Variants in STAU1 observed in about 807,000 individuals in gnomAD.
STAU1 encodes staufen double-stranded RNA binding protein 1.
Under a neutral mutation model 62.9 loss-of-function variants are expected in STAU1, and 13 were observed. That is an observed-to-expected ratio of 0.21 (90% confidence interval 0.13 to 0.33). The LOEUF is 0.33. Among genes scored for constraint, STAU1 ranks in the 10% least tolerant of loss-of-function variants. The probability of loss-of-function intolerance (pLI) is 1.00; values close to 1 mark genes in which losing one functional copy is unlikely to be tolerated. For missense variants in STAU1, 571 were observed against 712.1 expected, an observed-to-expected ratio of 0.80 and a Z score of 2.25; for synonymous variants, 269 against 265.1, an observed-to-expected ratio of 1.01 and a Z score of -0.14.
intron 5 of STAU1, among the ~76,000 whole-genome samples, chr20:49,149,352 G>A (rs1301960365): frequency 6.7e-6 from 1 of 149,458 alleles, no homozygotes; most frequent in Non-Finnish European, 1.5e-5. Flanking sequence ...ACACCCCCAA[G>A]CAAGTACAAC....
chr20:49,156,996 T>G (rs377001862), intron 3 of STAU1, among the ~76,000 whole-genome samples: 28 of 151,570 alleles, frequency 1.8e-4, no homozygotes, highest in Admixed American at 4.6e-4. Context: ...CCTGCCTCAG[T>G]CTCCCGAGTA....
the STAU1 span, among the ~76,000 whole-genome samples, chr20:49,208,429 C>T: frequency 2.0e-5 from 3 of 151,812 alleles, no homozygotes; most frequent in Non-Finnish European, 4.4e-5. Context: ...TCTTGAATTC[C>T]TGACCTCAAG....
chr20:49,209,644 G>GA, the STAU1 span, among the ~76,000 whole-genome samples: 1 of 152,114 alleles, frequency 6.6e-6, no homozygotes, highest in Non-Finnish European at 1.5e-5. Context: ...CTTGAAGGCT[G>GA]AGGCAGGAGA....
intron 3 of STAU1, among the ~76,000 whole-genome samples, chr20:49,155,086 T>TA (rs3091715): frequency 7.4e-5 from 11 of 148,564 alleles, no homozygotes; most frequent in East Asian, 2.0e-4. Flanking sequence ...AACTCTGTCT[T>TA]AAAAAAAAAA....
chr20:49,159,211 C>T, intron 3 of STAU1: 1 of 994,090 alleles, frequency 1.0e-6, no homozygotes, highest in Non-Finnish European at 1.2e-6. Context: ...AGGACTTTCC[C>T]CATCCGGTGC....
At position 49,152,340 on chromosome 20, in the gene STAU1, C is replaced by CTTTTTT. The variant is rs3092547; in HGVS notation, c.345-599_345-594dup. 2.3e-4 allele frequency among the ~76,000 whole-genome samples: 24 copies of CTTTTTT among 104,570 alleles called. 1 individual carries two copies. The highest frequency in any genetic ancestry group is 3.3e-4 in the South Asian group (1 of 3,050). The allele number at this position is 104,570 out of a possible 152,430, so 68.6% of individuals were successfully genotyped here. On this transcript the variant is annotated intron_variant, in intron 4 of 13. Coordinates refer to ENST00000371856, the MANE Select transcript of STAU1 (RefSeq NM_017453.4). The stretch of plus-strand genomic sequence containing the variant: ...TTGCTCATCATCTATCCACTAATGT[C>CTTTTTT]TTTTTTTTTTTTTTTTTTTTGTGAG...
chr20:49,200,339 C>T, the STAU1 span, among the ~76,000 whole-genome samples: 1 of 152,268 alleles, frequency 6.6e-6, no homozygotes, highest in Middle Eastern at 3.4e-3. Context: ...TGGCTCACGC[C>T]TGTAATCCCA....
chr20:49,172,824 T>A (rs1399262160), intron 2 of STAU1, among the ~76,000 whole-genome samples: 1 of 151,912 alleles, frequency 6.6e-6, no homozygotes, highest in African/African-American at 2.4e-5. Context: ...TGACAAAGCC[T>A]CACTTGTAGC....
Position 49,179,874 on chromosome 20 carries a change from T to C in STAU1, c.-159-5605A>G, listed in dbSNP as rs576592519. 5.0e-4 allele frequency among the ~76,000 whole-genome samples: 76 copies of C among 152,344 alleles called. 2 individuals are homozygous for C. In the South Asian group the frequency reaches 0.015, roughly 31 times the overall value. On this transcript the variant is annotated intron_variant, in intron 1 of 13. Transcript: ENST00000371856. The stretch of plus-strand genomic sequence containing the variant: ...GGTATTTCCAACACCTATTAGTGAT[T>C]AATGAGACATGCTATGTCATTACAG...
chr20:49,134,771 C>T (rs1029832849), intron 6 of STAU1: 2 of 1,170,360 alleles, frequency 1.7e-6, no homozygotes, highest in African/African-American at 1.5e-5. Context: ...AATGTATACA[C>T]TGGGAATCAT....
At chr20:49,189,299 T>A (rs1049134923), upstream of STAU1, among the ~76,000 whole-genome samples, 2 of 150,104 alleles carry the variant, frequency 1.3e-5, no homozygotes, top group Non-Finnish European at 3.0e-5. Context: ...TAAGTGGTTT[T>A]TAGCAGCTGT....
At position 49,163,170 on chromosome 20, in the gene STAU1, G is replaced by A. The variant is rs566301047; in HGVS notation, c.205+2827C>T. Among the ~76,000 whole-genome samples the A allele has an allele frequency of 3.3e-5, 5 of 150,872 alleles. No individual in the cohort carries two copies. In the South Asian group the frequency reaches 8.4e-4, roughly 25 times the overall value. Reference sequence around the variant, plus strand: ...TTGTGCCACTGCACTCTAGCCCGGCGACAGAGCGAGACTCCATTTCAAAAA... The same window carrying A: ...TTGTGCCACTGCACTCTAGCCCGGCAACAGAGCGAGACTCCATTTCAAAAA... On this transcript the variant is annotated intron_variant, in intron 3 of 13. Transcript: ENST00000371856.
At chr20:49,115,659 A>G in intron 13 of STAU1, 123 bp downstream of exon 13, 1 of 870,356 alleles carries the variant, frequency 1.1e-6, no homozygotes. Context: ...ACTTTCAGGC[A>G]AAAGGGCCAG....
the STAU1 span, among the ~76,000 whole-genome samples, chr20:49,219,013 CAAA>C: frequency 9.4e-5 from 5 of 53,162 alleles, no homozygotes; most frequent in Admixed American, 2.4e-4. Flanking sequence ...AACCCTGCCT[CAAA>C]AAAAAAAAAA....
intron 5 of STAU1, among the ~76,000 whole-genome samples, chr20:49,149,092 A>C (rs2093186429): frequency 6.6e-6 from 1 of 152,098 alleles, no homozygotes; most frequent in Non-Finnish European, 1.5e-5. Flanking sequence ...CTCTACTAAA[A>C]ATACAAAAAT....
chr20:49,177,146 G>A (rs530121362), intron 1 of STAU1, among the ~76,000 whole-genome samples: 3 of 151,768 alleles, frequency 2.0e-5, no homozygotes, highest in Non-Finnish European at 2.9e-5. Context: ...TCCTGACCTC[G>A]TGATCCGCCC....
intron 6 of STAU1, among the ~76,000 whole-genome samples, chr20:49,128,791 A>G (rs1434483794): frequency 6.6e-6 from 1 of 151,374 alleles, no homozygotes; most frequent in Admixed American, 6.6e-5. Flanking sequence ...AAAAAAAAAA[A>G]AAGACAAAAA....
the STAU1 span, among the ~76,000 whole-genome samples, chr20:49,206,960 T>C: frequency 6.6e-6 from 1 of 151,578 alleles, no homozygotes; most frequent in Admixed American, 6.6e-5. Context: ...TTCACCATGT[T>C]GGCCAGGATA....
chr20:49,166,914 C>G (rs561893688), intron 2 of STAU1, among the ~76,000 whole-genome samples: 4 of 152,210 alleles, frequency 2.6e-5, no homozygotes, highest in African/African-American at 9.6e-5. Context: ...TATCACAACC[C>G]TACCCAGGCT....
Sources: gnomAD v4.1 joint callset for allele counts (sites outside exome capture counted in the v4.1 genomes callset) on GRCh38, gnomAD v4.1.1 for gene constraint, MANE v1.5 for transcripts, NCBI Gene and HGNC (gene_info 2026-07-23, HGNC 2026-07-21) for gene names.